The following FRAS1 variants were observed in gnomAD, a reference collection of about 807,000 sequenced individuals.
The protein encoded by FRAS1 is Fraser extracellular matrix complex subunit 1, also known as extracellular matrix organizing protein FRAS1.
Under a neutral mutation model 435.2 loss-of-function variants are expected in FRAS1, and 290 were observed. The observed-to-expected ratio is 0.67, with a 90% CI of 0.61 to 0.73. FRAS1 has a LOEUF of 0.73. Ranked by LOEUF, FRAS1 falls within the 30% of genes least tolerant of loss-of-function variation. The pLI is 0.00. For missense variants in FRAS1, 4,860 were observed against 5,001.5 expected (o/e 0.97, Z 0.85); for synonymous variants, 1,800 against 1,851.0 (o/e 0.97, Z 0.71).
chr4:78,299,203 G>T (rs921639380), intron 14 of FRAS1, among the ~76,000 whole-genome samples: 1 of 152,196 alleles, frequency 6.6e-6, no homozygotes, highest in African/African-American at 2.4e-5. Context: ...AGTGGAAGAT[G>T]GAGCAGGAAA....
chr4:78,415,127 T>A (rs1733498324), intron 32 of FRAS1, among the ~76,000 whole-genome samples: 1 of 152,226 alleles, frequency 6.6e-6, no homozygotes, highest in African/African-American at 2.4e-5. Context: ...AAGTCCATTG[T>A]ATCATTCTTA....
At chr4:78,398,404 T>C (rs2110342608) in intron 29 of FRAS1, among the ~76,000 whole-genome samples, 1 of 152,324 alleles carries the variant, frequency 6.6e-6, no homozygotes, top group African/African-American at 2.4e-5. Flanking sequence ...CTTAATGAGC[T>C]TCCAGGTGCT....
intron 38 of FRAS1, among the ~76,000 whole-genome samples, chr4:78,437,637 C>T (rs1395035042): frequency 6.6e-6 from 1 of 152,170 alleles, no homozygotes; most frequent in Non-Finnish European, 1.5e-5. Flanking sequence ...TGCTCACATT[C>T]CTGATCCTGT....
At chr4:78,308,767 T>A (rs1224694434) in intron 15 of FRAS1, among the ~76,000 whole-genome samples, 1 of 152,164 alleles carries the variant, frequency 6.6e-6, no homozygotes, top group Non-Finnish European at 1.5e-5. Flanking sequence ...ATTAACCCAC[T>A]GAGAGGCAGA....
intron 19 of FRAS1, among the ~76,000 whole-genome samples, chr4:78,334,154 G>A (rs531553): frequency 0.69 from 104,374 of 151,894 alleles, 36,320 homozygotes; most frequent in Non-Finnish European, 0.74. Flanking sequence ...TGCTCATTGT[G>A]GAAGGATTGA....
intron 2 of FRAS1, among the ~76,000 whole-genome samples, chr4:78,110,402 GA>G (rs1205124736): frequency 8.3e-6 from 1 of 120,974 alleles, no homozygotes; most frequent in Non-Finnish European, 1.7e-5. Flanking sequence ...CCAAAACAGA[GA>G]TATAGATCAA....
rs114498301 is a variant in FRAS1, at chr4:78,537,334, T to C, written c.11298+134T>C. On this transcript the variant is annotated intron_variant, in intron 72 of 73. Coordinates refer to ENST00000512123, the MANE Select transcript of FRAS1 (RefSeq NM_025074.7). ...CTATATATGTTTGTGTTGTTGTTTCTTTCAGATCAGCTAAATACTAGTACA... is the reference window on the plus strand; with the variant it reads ...CTATATATGTTTGTGTTGTTGTTTCCTTCAGATCAGCTAAATACTAGTACA... The C allele has an allele frequency of 4.3e-3, 3,679 of 856,046 alleles. 18 individuals carry two copies. The highest frequency in any genetic ancestry group is 4.6e-3 in the Non-Finnish European group (2,618 of 563,290). The allele number at this position is 856,046 out of a possible 1,614,324, so 53.0% of individuals were successfully genotyped here.
At chr4:78,173,508 A>G (rs1721640972) in intron 2 of FRAS1, among the ~76,000 whole-genome samples, 1 of 152,090 alleles carries the variant, frequency 6.6e-6, no homozygotes, top group Non-Finnish European at 1.5e-5. Context: ...CTCCCTCTTT[A>G]CAATTACTGG....
At position 78,140,355 on chromosome 4, in the gene FRAS1, A is replaced by G. The variant is rs184434039; in HGVS notation, c.108+74339A>G. Among the ~76,000 whole-genome samples the G allele has an allele frequency of 3.5e-4, 54 of 152,192 alleles. 1 individual carries two copies. Among genetic ancestry groups the G allele is most frequent in the African/African-American group, 1.2e-3 (51 of 41,530 alleles). ...ATTGGTTCCATTTTATTTATGTCTA[A>G]TAAACTTCTTTCTGAAGTTGCACTT... On this transcript the variant is annotated intron_variant, in intron 2 of 73. Coordinates refer to ENST00000512123, the MANE Select transcript of FRAS1 (RefSeq NM_025074.7).
At chr4:78,327,391 T>C (rs1729763655) in intron 18 of FRAS1, among the ~76,000 whole-genome samples, 2 of 152,176 alleles carry the variant, frequency 1.3e-5, no homozygotes, top group African/African-American at 4.8e-5. Flanking sequence ...CCAGGAAATT[T>C]TGTATGATAT....
Position 78,450,271 on chromosome 4 carries a change from A to T in FRAS1, c.6395A>T (p.His2132Leu). The T allele has an allele frequency of 1.9e-6, 3 of 1,613,936 alleles. No individual in the cohort carries two copies. The highest frequency in any genetic ancestry group is 2.5e-6 in the Non-Finnish European group (3 of 1,179,828). ...PGAGRLQMMK[H>L]GNLEQISIKG... ...GCAGGGCGCCTGCAGATGATGAAGC[A>T]TGGCAACCTGGAGCAAATTTCTATT... The change falls in exon 45 of 74, where the codon CAT becomes CTT. Residue 2132 changes from histidine (H) to leucine (L), a missense_variant. Transcript: ENST00000512123.
intron 2 of FRAS1, chr4:78,070,380 C>T (rs1740281898): frequency 6.6e-6 from 1 of 152,124 alleles, no homozygotes; most frequent in Admixed American, 6.6e-5. Context: ...GTAGCCATCT[C>T]TAAATTATGG....
intron 67 of FRAS1, 76 bp downstream of exon 67, chr4:78,519,557 T>C (rs1721324133): frequency 1.3e-6 from 2 of 1,503,592 alleles, no homozygotes; most frequent in Admixed American, 2.1e-5. Context: ...AGTAGTGACT[T>C]TTAACAGTAG....
At position 78,439,063 on chromosome 4, in the gene FRAS1, C is replaced by A; in HGVS notation, c.5528C>A (p.Thr1843Lys). 1 of 1,610,962 alleles carries A rather than the reference C, an allele frequency of 6.2e-7. No homozygotes were observed. The highest frequency in any genetic ancestry group is 8.5e-7 in the Non-Finnish European group (1 of 1,177,994). The change falls in exon 40 of 74, where the codon ACG becomes AAG. Residue 1843 changes from threonine to lysine, a missense_variant and splice_region_variant. By Grantham distance (78) the Thr-to-Lys change is moderately conservative (BLOSUM62 -1). Transcript: ENST00000512123. Reference protein sequence around the residue: ...PPVIAFADLITVDEGGRAPLS... With the variant: ...PPVIAFADLIKVDEGGRAPLS... ...GTCATTGCTTTTGCTGACCTTATCA[C>A]GGTAAACAATTCTCAGATCAATAAA...
intron 61 of FRAS1, among the ~76,000 whole-genome samples, chr4:78,502,559 T>A (rs1017380902): frequency 7.1e-6 from 1 of 140,096 alleles, no homozygotes; most frequent in Non-Finnish European, 1.5e-5. Context: ...TTTTGCACAT[T>A]GATTTTGTGT....
chr4:78,271,944 G>A (rs1435067473), intron 9 of FRAS1, among the ~76,000 whole-genome samples: 1 of 152,182 alleles, frequency 6.6e-6, no homozygotes, highest in Non-Finnish European at 1.5e-5. Flanking sequence ...GTGTAAAAGT[G>A]TTCCTATTTC....
At chr4:78,124,768 G>A (rs1719244111) in intron 2 of FRAS1, among the ~76,000 whole-genome samples, 1 of 152,200 alleles carries the variant, frequency 6.6e-6, no homozygotes, top group South Asian at 2.1e-4. Flanking sequence ...GCATAGAGGT[G>A]TTTATAGTAT....
rs370739124 is a variant in FRAS1 at position 78,384,104 on chromosome 4, T to A, written c.3609T>A (p.Ser1203=). 2 of 1,606,808 alleles carry A rather than the reference T, an allele frequency of 1.2e-6. No homozygotes were observed. Among genetic ancestry groups the A allele is most frequent in the African/African-American group, 2.7e-5 (2 of 74,602 alleles). ...AAATTAGTGACCAGCAGTTCTTCTC[T>A]GAGCCACAGCTGATCAACATACAAG... ...FLKISDQQFF[S]EPQLINIQAF... is the part of the protein sequence containing the mutation. The change falls in exon 28 of 74, where the codon TCT becomes TCA. Residue 1203 remains serine (S), a synonymous_variant. Coordinates refer to ENST00000512123, the MANE Select transcript of FRAS1 (RefSeq NM_025074.7).
intron 2 of FRAS1, among the ~76,000 whole-genome samples, chr4:78,085,786 T>A (rs551250788): frequency 2.0e-5 from 3 of 152,204 alleles, no homozygotes; most frequent in South Asian, 2.1e-4. Context: ...AAGTCCTTAG[T>A]GACATACAAA....
Sources: allele counts gnomAD v4.1 joint callset (sites outside exome capture counted in the v4.1 genomes callset), GRCh38; gene constraint gnomAD v4.1.1; transcripts MANE v1.5; gene names NCBI Gene and HGNC (gene_info 2026-07-23, HGNC 2026-07-21).